Variants in JRK observed in about 807,000 individuals in gnomAD.
The protein encoded by JRK is jerky protein homolog.
For synonymous variants in JRK, 303 were observed against 218.1 expected, an observed-to-expected ratio of 1.39 and a Z score of -3.43; for missense variants, 720 against 509.2, an observed-to-expected ratio of 1.41 and a Z score of -3.98.
chr8:142,649,200 T>G, the JRK span, among the ~76,000 whole-genome samples: 1 of 152,198 alleles, frequency 6.6e-6, no homozygotes, highest in Non-Finnish European at 1.5e-5. Context: ...GAGTTAATGT[T>G]GAAATGAATT....
chr8:142,654,613 C>T (rs782216921), downstream of JRK, among the ~76,000 whole-genome samples: 5 of 146,802 alleles, frequency 3.4e-5, no homozygotes, highest in Non-Finnish European at 7.5e-5. Flanking sequence ...GCTGGCAGAG[C>T]CCACCTGACC....
chr8:142,646,987 T>G, the JRK span, among the ~76,000 whole-genome samples: 2 of 152,286 alleles, frequency 1.3e-5, no homozygotes, highest in South Asian at 4.1e-4. Flanking sequence ...AAATGACTCT[T>G]AGACGAAAAA....
chr8:142,652,850 A>G (rs1375346305), downstream of JRK, among the ~76,000 whole-genome samples: 2 of 152,234 alleles, frequency 1.3e-5, no homozygotes, highest in Non-Finnish European at 2.9e-5. Flanking sequence ...CCACACAGCC[A>G]CATTTCCTTC....
At position 142,666,536 on chromosome 8, in the gene JRK, A is replaced by T. The variant is rs1263599529; in HGVS notation, c.-462-16T>A. ...ACTTCAGGGGCTGGAAAGCAGAGGG[A>T]ACAGAGAGGAAAGTGATGGGGCGCG... is the stretch of plus-strand genomic sequence containing the variant. On this transcript the variant is annotated splice_polypyrimidine_tract_variant and intron_variant, in intron 1 of 1. Coordinates refer to ENST00000612905, the MANE Select transcript of JRK (RefSeq NM_003724.4). 7.7e-6 allele frequency: 2 copies of T among 259,374 alleles called. No homozygotes were observed. The highest frequency in any genetic ancestry group is 1.6e-5 in the Non-Finnish European group (2 of 124,980). 16.1% of individuals were successfully genotyped at this position (259,374 alleles called of 1,614,324 possible). A position where few individuals can be genotyped will look rare whatever the true frequency, so the allele number is the denominator to read the frequency against.
Position 142,664,176 on chromosome 8 carries a change from T to A in JRK, c.*176A>T. ...AATAAAACCTGTATTGACAGGAACC[T>A]CGGGCACAGACCGTCCTGGGCACCC... On this transcript the variant is annotated 3_prime_UTR_variant, in exon 2 of 2. Transcript: ENST00000612905. The A allele has an allele frequency of 7.3e-7, 1 of 1,374,548 alleles. No individual in the cohort carries two copies. The highest frequency in any genetic ancestry group is 9.4e-7 in the Non-Finnish European group (1 of 1,064,494). The allele number at this position is 1,374,548 out of a possible 1,614,324, so 85.1% of individuals were successfully genotyped here.
At position 142,664,869 on chromosome 8, in the gene JRK, G is replaced by T; in HGVS notation, c.1190C>A (p.Ser397Tyr). The T allele has an allele frequency of 6.8e-7, 1 of 1,463,490 alleles. No individual in the cohort carries two copies. The highest frequency in any genetic ancestry group is 9.6e-7 in the Non-Finnish European group (1 of 1,046,236). The allele number at this position is 1,463,490 out of a possible 1,614,324, so 90.7% of individuals were successfully genotyped here. A position where few individuals can be genotyped will look rare whatever the true frequency, so the allele number is the denominator to read the frequency against. The stretch of plus-strand genomic sequence containing the variant: ...GCACTCTGCCTCCAACTCCTCCTCA[G>T]AGGAGGAGCCTTCGGCAAACGCAAC... ...PSVAFAEGSSSEEELEAECFP... is the reference protein window; with the variant it reads ...PSVAFAEGSSYEEELEAECFP... Residue 397 changes from serine to tyrosine, a missense_variant, in exon 2 of 2, where the codon TCT becomes TAT. Physicochemically the swap from Ser to Tyr is moderately radical, Grantham distance 144 (BLOSUM62 -2). Transcript: ENST00000612905.
downstream of JRK, among the ~76,000 whole-genome samples, chr8:142,656,091 G>A (rs587763116): frequency 8.5e-5 from 13 of 152,232 alleles, no homozygotes; most frequent in Non-Finnish European, 1.5e-4. Context: ...ACTCTACATA[G>A]GTAGTTTCTA....
rs1847052888 is a variant in JRK at position 142,664,988 on chromosome 8, G to A, written c.1071C>T (p.Tyr357=). The A allele has an allele frequency of 1.4e-6, 1 of 728,794 alleles. No homozygotes were observed. The highest frequency in any genetic ancestry group is 2.5e-6 in the Non-Finnish European group (1 of 393,350). The allele number at this position is 728,794 out of a possible 1,614,324, so 45.1% of individuals were successfully genotyped here. ...CGCTGAATATGGCATCGTTCATGTTGTAGCGGGCGTGGGGGCCCTGCAGGG... is the reference window on the plus strand; with the variant it reads ...CGCTGAATATGGCATCGTTCATGTTATAGCGGGCGTGGGGGCCCTGCAGGG... ...PVPLQGPHAR[Y]NMNDAIFSVA... is the part of the protein sequence containing the mutation. Residue 357 remains tyrosine, a synonymous_variant, in exon 2 of 2, where the codon TAC becomes TAT. Transcript: ENST00000612905.
chr8:142,669,163 AGTGTGT>A (rs59300327), intron 1 of JRK, among the ~76,000 whole-genome samples: 7,460 of 136,150 alleles, frequency 0.055, 193 homozygotes, highest in Middle Eastern at 0.075. Context: ...GCAGGGGCAT[AGTGTGT>A]GTGTGTGTGT....
Position 142,659,653 on chromosome 8 carries a change from G to T in JRK, c.*4699C>A, listed in dbSNP as rs1846853260. 1.0e-6 allele frequency: 1 copy of T among 985,576 alleles called. No homozygotes were observed. The allele number at this position is 985,576 out of a possible 1,614,324, so 61.1% of individuals were successfully genotyped here. A position where few individuals can be genotyped will look rare whatever the true frequency, so the allele number is the denominator to read the frequency against. On this transcript the variant is annotated 3_prime_UTR_variant, in exon 2 of 2. Coordinates refer to ENST00000612905, the MANE Select transcript of JRK (RefSeq NM_003724.4). ...AGGACCACCACGGAACTGAAAGGAG[G>T]TTCAAGGCCTCAAACAAGAGTGGCC...
chr8:142,654,363 G>A (rs1429541227), downstream of JRK, among the ~76,000 whole-genome samples: 1 of 152,072 alleles, frequency 6.6e-6, no homozygotes, highest in African/African-American at 2.4e-5. Flanking sequence ...ACAGGCCCTG[G>A]CTCCCTCCCT....
chr8:142,669,777 G>A (rs1362839506), intron 1 of JRK, among the ~76,000 whole-genome samples, 155 bp downstream of exon 1: 4 of 148,454 alleles, frequency 2.7e-5, no homozygotes, highest in Admixed American at 2.7e-4. Flanking sequence ...GTCCGGCCCC[G>A]CAGCCTCGCG....
At position 142,661,368 on chromosome 8, in the gene JRK, C is replaced by G; in HGVS notation, c.*2984G>C. The stretch of plus-strand genomic sequence containing the variant: ...TCCTGGGCATCCCGAGGGATGGGAG[C>G]TCCCAGAGTGGAGGCTGCCTGTCCC... On this transcript the variant is annotated 3_prime_UTR_variant, in exon 2 of 2. Transcript: ENST00000612905. 17 of 985,480 alleles carry G rather than the reference C, an allele frequency of 1.7e-5. No individual in the cohort carries two copies. The highest frequency in any genetic ancestry group is 2.0e-5 in the Non-Finnish European group (17 of 829,956). 61.0% of individuals were successfully genotyped at this position (985,480 alleles called of 1,614,324 possible).
chr8:142,669,201 C>CGTGT, intron 1 of JRK, among the ~76,000 whole-genome samples: 1 of 48,030 alleles, frequency 2.1e-5, no homozygotes, highest in East Asian at 1.4e-3. Flanking sequence ...TGTGTGTGTG[C>CGTGT]GTGTGTGTGT....
rs587722207 is a variant in JRK, at chr8:142,663,262, G to A, written c.*1090C>T. ...CAGCTGCAGGCAGTGAGTGTTGCCC[G>A]TGAAATGGAGATGCCGCAAAGCAAC... On this transcript the variant is annotated 3_prime_UTR_variant, in exon 2 of 2. Transcript: ENST00000612905. The A allele has an allele frequency of 1.0e-5, 10 of 985,422 alleles. No individual in the cohort carries two copies. Among genetic ancestry groups the A allele is most frequent in the East Asian group, 1.1e-4 (1 of 8,810 alleles). The allele number at this position is 985,422 out of a possible 1,614,324, so 61.0% of individuals were successfully genotyped here. A position where few individuals can be genotyped will look rare whatever the true frequency, so the allele number is the denominator to read the frequency against.
At position 142,659,085 on chromosome 8, in the gene JRK, C is replaced by T. The variant is rs1224711324; in HGVS notation, c.*5267G>A. 6.4e-6 allele frequency: 9 copies of T among 1,408,264 alleles called. No homozygotes were observed. In the East Asian group the frequency reaches 2.4e-4, roughly 37 times the overall value. The allele number at this position is 1,408,264 out of a possible 1,614,324, so 87.2% of individuals were successfully genotyped here. On this transcript the variant is annotated 3_prime_UTR_variant, in exon 2 of 2. Transcript: ENST00000612905. ...TATTTTTTCTCTTCAGAACTGACAG[C>T]CCATCAAGGTACAATGAAATAGAAA...
Position 142,660,148 on chromosome 8 carries a change from C to T in JRK, c.*4204G>A. ...AAACAAGGTCTCACAGGTCCATTCT[C>T]CCCAGCCTCCCAGTAGGCAGCTGAG... On this transcript the variant is annotated 3_prime_UTR_variant, in exon 2 of 2. Transcript: ENST00000612905. 1.0e-6 allele frequency: 1 copy of T among 983,726 alleles called. No homozygotes were observed. 60.9% of individuals were successfully genotyped at this position (983,726 alleles called of 1,614,324 possible).
the JRK span, among the ~76,000 whole-genome samples, chr8:142,652,010 A>G: frequency 6.7e-6 from 1 of 148,902 alleles, no homozygotes; most frequent in Non-Finnish European, 1.5e-5. Flanking sequence ...AACTCCAAAA[A>G]AAGGGGGGGT....
At chr8:142,652,388 T>G in the JRK span, among the ~76,000 whole-genome samples, 2 of 152,230 alleles carry the variant, frequency 1.3e-5, no homozygotes, top group Middle Eastern at 6.8e-3. Context: ...ATATGAGACA[T>G]CAATCAACAT....
Sources: allele counts gnomAD v4.1 joint callset (sites outside exome capture counted in the v4.1 genomes callset), GRCh38; gene constraint gnomAD v4.1.1; transcripts MANE v1.5; gene names NCBI Gene and HGNC (gene_info 2026-07-23, HGNC 2026-07-21).